RGS6: variants seen among roughly 807,000 people sequenced by gnomAD.
The protein encoded by RGS6 is regulator of G protein signaling 6.
In RGS6, 30 loss-of-function variants were observed where a neutral mutation model predicts 78.5. The observed-to-expected ratio is 0.38, with a 90% CI of 0.29 to 0.52. The LOEUF is 0.52. RGS6 is among the 20% of genes least tolerant of loss of function. The pLI is 0.85. For synonymous variants in RGS6, 206 were observed against 206.0 expected, an observed-to-expected ratio of 1.00 and a Z score of 0.00; for missense variants, 495 against 609.7, an observed-to-expected ratio of 0.81 and a Z score of 1.98.
the RGS6 span, among the ~76,000 whole-genome samples, chr14:71,874,794 C>T: frequency 1.3e-5 from 2 of 152,042 alleles, no homozygotes; most frequent in Non-Finnish European, 2.9e-5. Context: ...ATAAATAGCT[C>T]TTATTATTTT....
intron 3 of RGS6, among the ~76,000 whole-genome samples, chr14:72,405,109 C>T (rs2092806010): frequency 6.6e-6 from 1 of 152,172 alleles, no homozygotes; most frequent in Non-Finnish European, 1.5e-5. Context: ...TGTTTCAAAA[C>T]AGAGTCAGCA....
chr14:72,547,651 A>G (rs1453974503), intron 17 of RGS6, among the ~76,000 whole-genome samples: 1 of 152,116 alleles, frequency 6.6e-6, no homozygotes, highest in Non-Finnish European at 1.5e-5. Flanking sequence ...GGATGAGAGA[A>G]AGACCCTTGG....
chr14:72,388,203 A>G (rs926397147), intron 3 of RGS6, among the ~76,000 whole-genome samples: 1 of 152,172 alleles, frequency 6.6e-6, no homozygotes, highest in Non-Finnish European at 1.5e-5. Flanking sequence ...AGGAGCAGGT[A>G]TTTTATAATT....
intron 3 of RGS6, among the ~76,000 whole-genome samples, chr14:72,410,786 T>A (rs150371992): frequency 0.024 from 3,639 of 152,342 alleles, 56 homozygotes; most frequent in Admixed American, 0.067. Context: ...TTTCTACATA[T>A]GGCTAGCCAG....
In RGS6 at chr14:72,563,114, C is replaced by T. The variant is rs188241640; in HGVS notation, c.*647C>T. Reference sequence around the variant, plus strand: ...TTCCACCCTCTTTGAGATCAGCGTTCGGAGAGGTCCCCGCCAGCCCGGTGG... The same window carrying T: ...TTCCACCCTCTTTGAGATCAGCGTTTGGAGAGGTCCCCGCCAGCCCGGTGG... On this transcript the variant is annotated 3_prime_UTR_variant, in exon 18 of 18. Coordinates refer to ENST00000553525, the MANE Select transcript of RGS6 (RefSeq NM_001204424.2). 1,418 of 325,344 alleles carry T rather than the reference C, an allele frequency of 4.4e-3. 17 individuals carry two copies. Among genetic ancestry groups the T allele is most frequent in the African/African-American group, 0.026 (1,227 of 47,748 alleles). The allele number at this position is 325,344 out of a possible 1,614,324, so 20.2% of individuals were successfully genotyped here.
intron 2 of RGS6, among the ~76,000 whole-genome samples, chr14:71,984,515 G>T (rs938330153): frequency 6.7e-6 from 1 of 150,240 alleles, no homozygotes; most frequent in Non-Finnish European, 1.5e-5. Flanking sequence ...GACAAGGAAG[G>T]CTTATTGAGG....
At chr14:71,998,297 G>C (rs537911210) in intron 2 of RGS6, among the ~76,000 whole-genome samples, 1 of 152,294 alleles carries the variant, frequency 6.6e-6, no homozygotes, top group South Asian at 2.1e-4. Context: ...ACTTTGACTA[G>C]AATGGGAGGC....
At chr14:72,137,768 G>A (rs991113834) in intron 2 of RGS6, among the ~76,000 whole-genome samples, 1 of 152,214 alleles carries the variant, frequency 6.6e-6, no homozygotes, top group African/African-American at 2.4e-5. Context: ...GCACATGGAT[G>A]ACATGCATGT....
intron 2 of RGS6, among the ~76,000 whole-genome samples, chr14:72,109,482 T>G (rs1043616499): frequency 6.6e-6 from 1 of 152,218 alleles, no homozygotes; most frequent in African/African-American, 2.4e-5. Flanking sequence ...TTGAGAGATA[T>G]AGCATTTTTG....
chr14:72,094,370 G>A (rs995101415), intron 2 of RGS6, among the ~76,000 whole-genome samples: 3 of 152,176 alleles, frequency 2.0e-5, no homozygotes, highest in Non-Finnish European at 4.4e-5. Flanking sequence ...ATGTAAATGA[G>A]GTATAGCTCT....
chr14:72,262,674 T>A (rs60089546), intron 2 of RGS6, among the ~76,000 whole-genome samples: 65 of 152,232 alleles, frequency 4.3e-4, no homozygotes, highest in Non-Finnish European at 8.8e-4. Context: ...CTGAAAAATA[T>A]GTTTATTCTC....
rs1345956587 is a variant in RGS6, at chr14:72,562,603, C to T, written c.*136C>T. 1.0e-5 allele frequency: 16 copies of T among 1,536,506 alleles called. No homozygotes were observed. The highest frequency in any genetic ancestry group is 1.4e-5 in the African/African-American group (1 of 72,826). On this transcript the variant is annotated 3_prime_UTR_variant, in exon 18 of 18. Coordinates refer to ENST00000553525, the MANE Select transcript of RGS6 (RefSeq NM_001204424.2). ...GAGAAAGAGTGAGGGCAATGAAGGG[C>T]GATGGTGGGGAGACTCGGTGGGTGA...
intron 2 of RGS6, among the ~76,000 whole-genome samples, chr14:72,332,951 C>T (rs1347093227): frequency 6.6e-6 from 1 of 152,174 alleles, no homozygotes; most frequent in South Asian, 2.1e-4. Flanking sequence ...TGCAGCGAAA[C>T]CCTCATGGTT....
chr14:71,960,684 A>T (rs1207638990), intron 1 of RGS6, among the ~76,000 whole-genome samples: 4 of 152,194 alleles, frequency 2.6e-5, no homozygotes, highest in Non-Finnish European at 4.4e-5. Flanking sequence ...CACTCTCCAC[A>T]CTTGGCTGTC....
At chr14:72,592,456 G>A in the RGS6 span, among the ~76,000 whole-genome samples, 1 of 152,362 alleles carries the variant, frequency 6.6e-6, no homozygotes, top group South Asian at 2.1e-4. Flanking sequence ...TTAAGCTGAA[G>A]GTTTGCCTGA....
chr14:72,136,082 T>A (rs1713060584), intron 2 of RGS6, among the ~76,000 whole-genome samples: 1 of 152,194 alleles, frequency 6.6e-6, no homozygotes, highest in African/African-American at 2.4e-5. Flanking sequence ...TTTTTCTGAA[T>A]CTTGCTTTGC....
intron 2 of RGS6, among the ~76,000 whole-genome samples, chr14:72,182,890 G>T (rs2097192606): frequency 6.6e-6 from 1 of 152,174 alleles, no homozygotes; most frequent in African/African-American, 2.4e-5. Flanking sequence ...TGTTGTCGTT[G>T]ATGATTTTTT....
intron 6 of RGS6, among the ~76,000 whole-genome samples, chr14:72,460,342 CA>C (rs1336568322): frequency 6.6e-6 from 1 of 152,238 alleles, no homozygotes; most frequent in Non-Finnish European, 1.5e-5. Flanking sequence ...ACCTGAGGCC[CA>C]GAGGGGCCAC....
chr14:72,267,961 G>A (rs77787914), intron 2 of RGS6, among the ~76,000 whole-genome samples: 7 of 152,116 alleles, frequency 4.6e-5, no homozygotes, highest in African/African-American at 7.2e-5. Context: ...TAACACACTC[G>A]CACACTCACT....
Sources: allele counts gnomAD v4.1 joint callset (sites outside exome capture counted in the v4.1 genomes callset), GRCh38; gene constraint gnomAD v4.1.1; transcripts MANE v1.5; gene names NCBI Gene and HGNC (gene_info 2026-07-23, HGNC 2026-07-21).